Variants in STAT3 observed in about 807,000 individuals in gnomAD.
STAT3 encodes DNA-binding protein APRF.
A neutral mutation model predicts 114.3 loss-of-function variants in STAT3; 7 were observed. The ratio of observed to expected loss-of-function variants is 0.06; its 90% CI spans 0.03 to 0.11. The LOEUF is 0.11. STAT3 is among the 10% of genes least tolerant of loss of function. The pLI, the probability that STAT3 is intolerant of heterozygous loss-of-function variation, is 1.00. For missense variants in STAT3, 364 were observed against 960.9 expected (o/e 0.38, Z 8.21); for synonymous variants, 331 against 354.5 (o/e 0.93, Z 0.74).
intron 12 of STAT3, 39 bp downstream of exon 12, chr17:42,329,708 G>A (rs1457889522): frequency 5.6e-6 from 9 of 1,614,056 alleles, no homozygotes; most frequent in Non-Finnish European, 7.6e-6. Context: ...ATGAAGTTAG[G>A]TTAAACGGAA....
At chr17:42,363,845 T>C in intron 1 of STAT3, among the ~76,000 whole-genome samples, 1 of 152,108 alleles carries the variant, frequency 6.6e-6, no homozygotes, top group East Asian at 1.9e-4. Flanking sequence ...TCATATTTGT[T>C]CTTGCCTAAA....
intron 21 of STAT3, among the ~76,000 whole-genome samples, chr17:42,320,947 T>TTGTGTGTGTGTGTG (rs112139000): frequency 6.8e-6 from 1 of 146,906 alleles, no homozygotes; most frequent in Non-Finnish European, 1.5e-5. Flanking sequence ...TTTCTCTTCT[T>TTGTGTGTGTGTGTG]TGTGTGTGTG....
intron 1 of STAT3, among the ~76,000 whole-genome samples, chr17:42,375,347 G>A (rs997370635): frequency 6.6e-6 from 1 of 152,118 alleles, no homozygotes; most frequent in African/African-American, 2.4e-5. Context: ...ATCTGAATCA[G>A]AATATCTGCT....
intron 1 of STAT3, chr17:42,387,640 T>A (rs1247132947): frequency 6.6e-6 from 1 of 152,064 alleles, no homozygotes; most frequent in African/African-American, 2.4e-5. Flanking sequence ...GGGGGGAGCA[T>A]AATTTAACCT....
At chr17:42,378,318 T>C (rs1454570038) in intron 1 of STAT3, among the ~76,000 whole-genome samples, 1 of 152,190 alleles carries the variant, frequency 6.6e-6, no homozygotes, top group Non-Finnish European at 1.5e-5. Flanking sequence ...CGATCTCGAC[T>C]CACTGCAACC....
intron 5 of STAT3, 96 bp downstream of exon 5, chr17:42,339,218 T>C (rs1363667645): frequency 1.6e-6 from 2 of 1,238,272 alleles, no homozygotes; most frequent in Non-Finnish European, 2.3e-6. Flanking sequence ...ATCATGCCAC[T>C]GCAGCCCAGC....
intron 1 of STAT3, among the ~76,000 whole-genome samples, chr17:42,349,298 A>G (rs2082834488): frequency 6.6e-6 from 1 of 152,256 alleles, no homozygotes. Flanking sequence ...AAATAGAGAT[A>G]ATAATTCCCA....
chr17:42,356,955 T>G (rs972924780), intron 1 of STAT3, among the ~76,000 whole-genome samples: 21 of 152,014 alleles, frequency 1.4e-4, no homozygotes, highest in African/African-American at 3.9e-4. Flanking sequence ...ACCCGGCTAA[T>G]TTTTGTATTT....
chr17:42,382,881 C>T (rs1446129790), intron 1 of STAT3, among the ~76,000 whole-genome samples: 1 of 152,016 alleles, frequency 6.6e-6, no homozygotes, highest in Admixed American at 6.6e-5. Context: ...CTCCTGACCT[C>T]GTGATCCGCC....
chr17:42,356,116 C>T (rs976689995), intron 1 of STAT3, among the ~76,000 whole-genome samples: 1 of 152,058 alleles, frequency 6.6e-6, no homozygotes. Context: ...GCCCAGTGAT[C>T]AAGGCAACCA....
chr17:42,347,197 A>C (rs1197506725), intron 2 of STAT3, among the ~76,000 whole-genome samples: 11 of 151,240 alleles, frequency 7.3e-5, no homozygotes, highest in Admixed American at 2.6e-4. Context: ...AAAAAAAAAA[A>C]AAAAAACCAC....
chr17:42,322,522 C>T, intron 20 of STAT3, 28 bp from the exon 21 acceptor site: 1 of 1,613,090 alleles, frequency 6.2e-7, no homozygotes, highest in Non-Finnish European at 8.5e-7. Flanking sequence ...AAGGAAAGAT[C>T]ATGGAACCTA....
At chr17:42,385,549 A>G (rs1385290966) in intron 1 of STAT3, among the ~76,000 whole-genome samples, 1 of 151,732 alleles carries the variant, frequency 6.6e-6, no homozygotes, top group Non-Finnish European at 1.5e-5. Context: ...TGATTTGCAC[A>G]TCACCTAAGA....
Position 42,377,914 on chromosome 17 carries a change from G to A in STAT3, c.-24+10365C>T, listed in dbSNP as rs1174713222. 3.3e-5 allele frequency among the ~76,000 whole-genome samples: 5 copies of A among 151,916 alleles called. 1 individual carries two copies. Among genetic ancestry groups the A allele is most frequent in the Admixed American group, 3.3e-4 (5 of 15,244 alleles). On this transcript the variant is annotated intron_variant, in intron 1 of 23. Coordinates refer to ENST00000264657, the MANE Select transcript of STAT3 (RefSeq NM_139276.3). ...TATGAACTCCCATTGGAAAACTTAG[G>A]GTAAACGTCCGTGGAATCTATGGGG... is the stretch of plus-strand genomic sequence containing the variant.
Position 42,315,672 on chromosome 17 carries a change from G to T in STAT3, c.*73C>A. The stretch of plus-strand genomic sequence containing the variant: ...AGTAGTTTCAGATGATCTGGGGTTT[G>T]GCTGTGTGAGGGGTGGCAGAATGCA... On this transcript the variant is annotated 3_prime_UTR_variant, in exon 24 of 24. Coordinates refer to ENST00000264657, the MANE Select transcript of STAT3 (RefSeq NM_139276.3). The T allele has an allele frequency of 2.1e-6, 3 of 1,454,486 alleles. No homozygotes were observed. Among genetic ancestry groups the T allele is most frequent in the Non-Finnish European group, 2.9e-6 (3 of 1,034,434 alleles). 90.1% of individuals were successfully genotyped at this position (1,454,486 alleles called of 1,614,324 possible). A position where few individuals can be genotyped will look rare whatever the true frequency, so the allele number is the denominator to read the frequency against.
At chr17:42,318,459 T>C (rs1342555823) in intron 21 of STAT3, among the ~76,000 whole-genome samples, 2 of 152,166 alleles carry the variant, frequency 1.3e-5, no homozygotes, top group East Asian at 3.9e-4. Flanking sequence ...TTCTCTTTTA[T>C]GTATAAAATA....
In STAT3 at chr17:42,333,550, C is replaced by T. The variant is rs2082109688; in HGVS notation, c.1049+123G>A. 8 of 1,121,348 alleles carry T rather than the reference C, an allele frequency of 7.1e-6. No homozygotes were observed. Among genetic ancestry groups the T allele is most frequent in the Middle Eastern group, 2.6e-4 (1 of 3,812 alleles). The allele number at this position is 1,121,348 out of a possible 1,614,324, so 69.5% of individuals were successfully genotyped here. ...ATAGTATGGCAACAAATTTCAACCCCGCAACAGTGTACTGCCTGTGACACC... is the reference window on the plus strand; with the variant it reads ...ATAGTATGGCAACAAATTTCAACCCTGCAACAGTGTACTGCCTGTGACACC... On this transcript the variant is annotated intron_variant, in intron 10 of 23. Transcript: ENST00000264657. This position sits in a 1 kb window ranked among gnomAD's most constrained non-coding sequence, Gnocchi z 5.2.
At chr17:42,371,260 A>G (rs539076648) in intron 1 of STAT3, among the ~76,000 whole-genome samples, 4 of 152,238 alleles carry the variant, frequency 2.6e-5, no homozygotes, top group African/African-American at 4.8e-5. Context: ...GACAACTACA[A>G]GTTACTTGAG....
chr17:42,363,795 A>G (rs1435384167), intron 1 of STAT3, among the ~76,000 whole-genome samples: 1 of 151,918 alleles, frequency 6.6e-6, no homozygotes, highest in Non-Finnish European at 1.5e-5. Context: ...AAGTCAACTT[A>G]TCTCCTCCTT....
Sources: gnomAD v4.1 joint callset for allele counts (sites outside exome capture counted in the v4.1 genomes callset) on GRCh38, gnomAD v4.1.1 for gene constraint, Gnocchi (gnomAD v3.1) non-coding constraint, MANE v1.5 for transcripts, NCBI Gene and HGNC (gene_info 2026-07-23, HGNC 2026-07-21) for gene names.